The following LGR6 variants were observed in gnomAD, a reference collection of about 807,000 sequenced individuals.
The protein encoded by LGR6 is leucine rich repeat containing G protein-coupled receptor 6.
LGR6 carries 45 observed loss-of-function variants against 69.4 expected under a neutral mutation model. The ratio of observed to expected loss-of-function variants is 0.65; its 90% CI spans 0.51 to 0.83. The LOEUF (loss-of-function observed/expected upper bound fraction) is 0.83, where lower values mean the gene tolerates loss of function less well. Among genes scored for constraint, LGR6 ranks in the 40% least tolerant of loss-of-function variants. The probability of loss-of-function intolerance (pLI) is 0.00; values close to 1 mark genes in which losing one functional copy is unlikely to be tolerated. For synonymous variants in LGR6, 538 were observed against 555.0 expected (o/e 0.97, Z 0.43); for missense variants, 1,108 against 1,246.7 (o/e 0.89, Z 1.68).
In LGR6 at chr1:202,280,704, T is replaced by A. The variant is rs1571955158; in HGVS notation, c.645-77T>A. On this transcript the variant is annotated intron_variant, in intron 5 of 17. Transcript: ENST00000367278. ...CATGCTTCTGCCTACACTTTCCCCA[T>A]GCCACCATGTGCTCTTCCATCCCCT... is the stretch of plus-strand genomic sequence containing the variant. The A allele has an allele frequency of 9.4e-6, 12 of 1,271,442 alleles. No individual in the cohort carries two copies. In the East Asian group the frequency reaches 2.8e-4, roughly 29 times the overall value. 78.8% of individuals were successfully genotyped at this position (1,271,442 alleles called of 1,614,324 possible). A position where few individuals can be genotyped will look rare whatever the true frequency, so the allele number is the denominator to read the frequency against.
intron 1 of LGR6, among the ~76,000 whole-genome samples, chr1:202,222,065 G>A (rs1370078562): frequency 6.6e-6 from 1 of 152,240 alleles, no homozygotes; most frequent in East Asian, 1.9e-4. Context: ...TCTTGCCAGG[G>A]CTCTTAGCCA....
intron 16 of LGR6, among the ~76,000 whole-genome samples, chr1:202,310,911 G>T (rs372692695): frequency 6.6e-6 from 1 of 152,038 alleles, no homozygotes; most frequent in Non-Finnish European, 1.5e-5. Flanking sequence ...TTCCGTGGCC[G>T]CCAGGTGCAA....
chr1:202,283,618 G>A (rs1309344645), intron 6 of LGR6, among the ~76,000 whole-genome samples: 1 of 152,232 alleles, frequency 6.6e-6, no homozygotes, highest in Non-Finnish European at 1.5e-5. Flanking sequence ...TCTAAGTGGG[G>A]AAAGCGGCCC....
At chr1:202,205,241 CCTT>C (rs1482596514) in intron 1 of LGR6, among the ~76,000 whole-genome samples, 4 of 56,898 alleles carry the variant, frequency 7.0e-5, no homozygotes, top group African/African-American at 2.1e-4. Context: ...ACACACACCT[CCTT>C]CAAACACACA....
chr1:202,194,171 C>T lies in LGR6; in HGVS notation c.182C>T (p.Pro61Leu), dbSNP rs1272786949. Residue 61 changes from proline to leucine, a missense_variant, in exon 1 of 18, where the codon CCG becomes CTG. Coordinates refer to ENST00000367278, the MANE Select transcript of LGR6 (RefSeq NM_001017403.2). Reference protein sequence around the residue: ...DCSELGLSAVPGDLDPLTAYL... With the variant: ...DCSELGLSAVLGDLDPLTAYL... ...TCTGAGCTCGGGCTGTCCGCCGTTC[C>T]GGGGGACCTGGACCCCCTGACGGCT... 2.5e-6 allele frequency: 4 copies of T among 1,568,750 alleles called. No individual in the cohort carries two copies. The highest frequency in any genetic ancestry group is 1.4e-5 in the African/African-American group (1 of 72,442).
intron 1 of LGR6, among the ~76,000 whole-genome samples, chr1:202,209,482 C>T (rs1459980624): frequency 6.6e-6 from 1 of 152,224 alleles, no homozygotes; most frequent in African/African-American, 2.4e-5. Flanking sequence ...GGCCCTACCA[C>T]GTGGGGAGCG....
intron 5 of LGR6, among the ~76,000 whole-genome samples, chr1:202,277,107 T>C (rs1558056640): frequency 6.6e-6 from 1 of 152,194 alleles, no homozygotes; most frequent in Non-Finnish European, 1.5e-5. Flanking sequence ...CTAATTGCTA[T>C]GAATGATTGG....
chr1:202,199,503 G>A (rs943064226), intron 1 of LGR6, among the ~76,000 whole-genome samples: 3 of 152,202 alleles, frequency 2.0e-5, no homozygotes, highest in African/African-American at 4.8e-5. Context: ...CATGGGGCGC[G>A]GCCGGGTGGG....
intron 2 of LGR6, among the ~76,000 whole-genome samples, chr1:202,226,724 A>G (rs1031585022): frequency 3.9e-5 from 6 of 152,330 alleles, no homozygotes; most frequent in Middle Eastern, 3.4e-3. Flanking sequence ...GCAAGTCAGC[A>G]GGGGAGTGTG....
chr1:202,262,112 G>T (rs1213821382), intron 4 of LGR6, among the ~76,000 whole-genome samples: 8 of 151,950 alleles, frequency 5.3e-5, no homozygotes, highest in African/African-American at 1.9e-4. Flanking sequence ...GTCAATTTTG[G>T]CTTTTGTTGC....
intron 4 of LGR6, among the ~76,000 whole-genome samples, chr1:202,263,660 G>C (rs890193170): frequency 2.0e-5 from 3 of 152,112 alleles, no homozygotes; most frequent in African/African-American, 7.2e-5. Flanking sequence ...AGTATAGGAG[G>C]GAACAGCACC....
intron 13 of LGR6, among the ~76,000 whole-genome samples, 186 bp from the exon 14 acceptor site, chr1:202,307,144 A>G (rs1653296841): frequency 6.6e-6 from 1 of 152,164 alleles, no homozygotes; most frequent in Admixed American, 6.6e-5. Context: ...CCAAGCTGTC[A>G]TGTCCCTGTT....
intron 1 of LGR6, among the ~76,000 whole-genome samples, chr1:202,201,812 T>C (rs1264926015): frequency 3.3e-5 from 5 of 152,174 alleles, no homozygotes; most frequent in Non-Finnish European, 5.9e-5. Context: ...GGGGAAGGTA[T>C]TGGGGCTCAG....
intron 9 of LGR6, 41 bp from the exon 10 acceptor site, chr1:202,303,238 C>A (rs761710875): frequency 1.5e-5 from 23 of 1,485,416 alleles, no homozygotes; most frequent in Non-Finnish European, 2.0e-5. Context: ...TGTTGAGATG[C>A]TCTGACCCCA....
intron 6 of LGR6, among the ~76,000 whole-genome samples, chr1:202,282,917 G>A (rs1431668894): frequency 6.6e-6 from 1 of 152,212 alleles, no homozygotes; most frequent in Non-Finnish European, 1.5e-5. Flanking sequence ...CTTTACCAAT[G>A]GGAAAGCCAA....
intron 4 of LGR6, among the ~76,000 whole-genome samples, chr1:202,262,526 G>A (rs1664317337): frequency 6.6e-6 from 1 of 152,144 alleles, no homozygotes; most frequent in African/African-American, 2.4e-5. Context: ...GTAGCATGAT[G>A]CCTCCAGCTT....
chr1:202,276,703 A>G (rs1268653317), intron 5 of LGR6, among the ~76,000 whole-genome samples, 182 bp downstream of exon 5: 1 of 152,234 alleles, frequency 6.6e-6, no homozygotes, highest in Non-Finnish European at 1.5e-5. Context: ...TAGGGTTATC[A>G]TGAGGTCAAA....
At chr1:202,240,965 C>G (rs1024563402) in intron 4 of LGR6, among the ~76,000 whole-genome samples, 1 of 152,208 alleles carries the variant, frequency 6.6e-6, no homozygotes, top group African/African-American at 2.4e-5. Flanking sequence ...AAACCCCTCT[C>G]TAATAATCAC....
intron 4 of LGR6, among the ~76,000 whole-genome samples, chr1:202,270,150 T>C (rs1262702513): frequency 7.0e-6 from 1 of 143,840 alleles, no homozygotes; most frequent in Non-Finnish European, 1.6e-5. Flanking sequence ...CACAAAGAAC[T>C]GTGAGTCTCT....
Sources: gnomAD v4.1 joint callset for allele counts (sites outside exome capture counted in the v4.1 genomes callset) on GRCh38, gnomAD v4.1.1 for gene constraint, MANE v1.5 for transcripts, NCBI Gene and HGNC (gene_info 2026-07-23, HGNC 2026-07-21) for gene names.